The following NFIA variants were observed in gnomAD, a reference collection of about 807,000 sequenced individuals.
NFIA encodes the protein nuclear factor 1 A-type.
NFIA carries 8 observed loss-of-function variants against 62.8 expected under a neutral mutation model. The ratio of observed to expected loss-of-function variants is 0.13; its 90% CI spans 0.07 to 0.23. The LOEUF (loss-of-function observed/expected upper bound fraction) is 0.23, where lower values mean the gene tolerates loss of function less well. NFIA is among the 10% of genes least tolerant of loss of function. The pLI, the probability that NFIA is intolerant of heterozygous loss-of-function variation, is 1.00. For missense variants in NFIA, 410 were observed against 642.1 expected (o/e 0.64, Z 3.91); for synonymous variants, 235 against 238.1 (o/e 0.99, Z 0.12).
chr1:61,122,031 T>C (rs1317822982), intron 2 of NFIA, among the ~76,000 whole-genome samples: 3 of 152,166 alleles, frequency 2.0e-5, no homozygotes, highest in Non-Finnish European at 2.9e-5. Flanking sequence ...TAAGGGACCA[T>C]AGGTTTCATT....
chr1:61,157,694 C>T (rs752221523), intron 2 of NFIA, among the ~76,000 whole-genome samples: 34 of 152,134 alleles, frequency 2.2e-4, no homozygotes, highest in Non-Finnish European at 4.0e-4. Context: ...ACTCTGTAAC[C>T]GGCCCACTTT....
intron 7 of NFIA, among the ~76,000 whole-genome samples, chr1:61,392,230 T>G (rs1665018082): frequency 6.6e-6 from 1 of 151,994 alleles, no homozygotes; most frequent in Non-Finnish European, 1.5e-5. Flanking sequence ...CTTTTTTTTT[T>G]GCAGAGGTCC....
At chr1:61,134,635 G>A (rs575133191) in intron 2 of NFIA, among the ~76,000 whole-genome samples, 1 of 152,226 alleles carries the variant, frequency 6.6e-6, no homozygotes, top group South Asian at 2.1e-4. Flanking sequence ...TTATTATGGT[G>A]GATTGATAAT....
intron 3 of NFIA, among the ~76,000 whole-genome samples, chr1:61,318,881 A>T (rs1005102820): frequency 6.6e-6 from 1 of 152,200 alleles, no homozygotes; most frequent in African/African-American, 2.4e-5. Flanking sequence ...TATAGAAACT[A>T]GAGTAGTTAG....
chr1:61,449,187 TTG>T (rs1667955670), intron 10 of NFIA, among the ~76,000 whole-genome samples: 1 of 152,182 alleles, frequency 6.6e-6, no homozygotes. Context: ...CTGGAGTGGC[TTG>T]TGGAGACTTG....
chr1:61,079,289 CTA>C (rs1451432611), upstream of NFIA, among the ~76,000 whole-genome samples: 5 of 152,176 alleles, frequency 3.3e-5, no homozygotes, highest in African/African-American at 1.2e-4. Context: ...AATCCCAGTC[CTA>C]TCTTCACTGC....
At chr1:61,184,271 C>T (rs1650987477) in intron 2 of NFIA, among the ~76,000 whole-genome samples, 1 of 152,258 alleles carries the variant, frequency 6.6e-6, no homozygotes, top group African/African-American at 2.4e-5. Flanking sequence ...CGACGTTCCG[C>T]TCCTTACATG....
intron 2 of NFIA, among the ~76,000 whole-genome samples, chr1:61,153,182 A>G (rs948224132): frequency 1.3e-5 from 2 of 152,192 alleles, no homozygotes; most frequent in African/African-American, 4.8e-5. Context: ...GTTTTCAAAC[A>G]CTTGAATTGG....
intron 3 of NFIA, among the ~76,000 whole-genome samples, chr1:61,304,818 C>T (rs1557694661): frequency 6.6e-6 from 1 of 152,158 alleles, no homozygotes; most frequent in Non-Finnish European, 1.5e-5. Flanking sequence ...TTTCCTCCTT[C>T]CTGATGTACA....
intron 2 of NFIA, among the ~76,000 whole-genome samples, chr1:61,168,266 G>A (rs1649718738): frequency 6.6e-6 from 1 of 152,132 alleles, no homozygotes. Context: ...CTGTGGAAGT[G>A]CAAGCATTGA....
intron 2 of NFIA, among the ~76,000 whole-genome samples, chr1:61,123,597 G>A (rs1188922867): frequency 6.6e-6 from 1 of 152,152 alleles, no homozygotes; most frequent in African/African-American, 2.4e-5. Context: ...TAAATCTGGA[G>A]CGATGGAAAG....
At chr1:61,215,121 G>A (rs912581431) in intron 2 of NFIA, among the ~76,000 whole-genome samples, 16 of 151,906 alleles carry the variant, frequency 1.1e-4, no homozygotes, top group Admixed American at 7.9e-4. Context: ...AGTACCTAAC[G>A]GAAATTTTAT....
intron 2 of NFIA, among the ~76,000 whole-genome samples, chr1:61,159,653 T>C (rs1203594661): frequency 6.6e-6 from 1 of 151,422 alleles, no homozygotes; most frequent in Non-Finnish European, 1.5e-5. Context: ...TGGGTTGTTA[T>C]GAGAATAAAA....
At chr1:61,403,585 C>T (rs1427327729) in intron 7 of NFIA, among the ~76,000 whole-genome samples, 3 of 152,154 alleles carry the variant, frequency 2.0e-5, no homozygotes, top group Non-Finnish European at 2.9e-5. Flanking sequence ...TGCATGGGCT[C>T]ATTAAGTGAT....
At chr1:61,158,158 G>A (rs957095895) in intron 2 of NFIA, among the ~76,000 whole-genome samples, 8 of 152,286 alleles carry the variant, frequency 5.3e-5, no homozygotes, top group African/African-American at 1.4e-4. Flanking sequence ...TGGCAGAAAA[G>A]CCTTTTCATC....
intron 2 of NFIA, among the ~76,000 whole-genome samples, chr1:61,138,790 C>G (rs908747348): frequency 1.3e-5 from 2 of 151,446 alleles, no homozygotes; most frequent in Non-Finnish European, 1.5e-5. Context: ...CCATGTTGGC[C>G]ATGCTGGTCT....
At chr1:61,341,060 CTTTTTTTTTTTT>C (rs35203949) in intron 4 of NFIA, among the ~76,000 whole-genome samples, 1 of 108,792 alleles carries the variant, frequency 9.2e-6, no homozygotes, top group Non-Finnish European at 1.8e-5. Flanking sequence ...TACCGGCATT[CTTTTTTTTTTTT>C]TTTTTTTTTG....
intron 10 of NFIA, among the ~76,000 whole-genome samples, chr1:61,428,598 G>GTA (rs1666971576): frequency 6.6e-6 from 1 of 151,704 alleles, no homozygotes; most frequent in Non-Finnish European, 1.5e-5. Flanking sequence ...TAATTTTAAG[G>GTA]TATATATATT....
intron 2 of NFIA, among the ~76,000 whole-genome samples, chr1:61,215,077 C>T (rs1021197081): frequency 9.9e-5 from 15 of 152,040 alleles, no homozygotes; most frequent in African/African-American, 3.4e-4. Flanking sequence ...GCACATTTCT[C>T]AGTGAATATA....
Sources: gnomAD v4.1 joint callset for allele counts (sites outside exome capture counted in the v4.1 genomes callset) on GRCh38, gnomAD v4.1.1 for gene constraint, MANE v1.5 for transcripts, NCBI Gene and HGNC (gene_info 2026-07-23, HGNC 2026-07-21) for gene names.